The following UNC5D variants were observed in gnomAD, a reference collection of about 807,000 sequenced individuals.
UNC5D encodes the protein netrin receptor UNC5D.
Under a neutral mutation model 105.4 loss-of-function variants are expected in UNC5D, and 39 were observed. The observed-to-expected ratio is 0.37, with a 90% CI of 0.29 to 0.48. UNC5D has a LOEUF of 0.48. Among genes scored for constraint, UNC5D ranks in the 20% least tolerant of loss-of-function variants. The pLI is 0.98. For missense variants in UNC5D, 991 were observed against 1,202.4 expected (o/e 0.82, Z 2.60); for synonymous variants, 452 against 450.4 (o/e 1.00, Z -0.04).
At chr8:35,331,240 G>C (rs1437269385) in intron 1 of UNC5D, among the ~76,000 whole-genome samples, 1 of 152,178 alleles carries the variant, frequency 6.6e-6, no homozygotes, top group African/African-American at 2.4e-5. Flanking sequence ...CATTGGGCTT[G>C]CTTGAAGTCC....
chr8:35,284,563 T>G (rs1806447281), intron 1 of UNC5D, among the ~76,000 whole-genome samples: 1 of 152,158 alleles, frequency 6.6e-6, no homozygotes, highest in African/African-American at 2.4e-5. Flanking sequence ...TCTTTTCTTT[T>G]CTTTTCTTTT....
chr8:35,274,646 TC>T (rs1805649024), intron 1 of UNC5D, among the ~76,000 whole-genome samples: 1 of 152,182 alleles, frequency 6.6e-6, no homozygotes, highest in Non-Finnish European at 1.5e-5. Flanking sequence ...CAACATCAAT[TC>T]ATCATTTTAT....
At chr8:35,247,460 C>T (rs1585403894) in intron 1 of UNC5D, among the ~76,000 whole-genome samples, 1 of 138,914 alleles carries the variant, frequency 7.2e-6, no homozygotes, top group African/African-American at 2.7e-5. Context: ...CATCTGGATC[C>T]TTAATAATAA....
intron 1 of UNC5D, among the ~76,000 whole-genome samples, chr8:35,277,544 A>G (rs1300264313): frequency 6.6e-6 from 1 of 152,094 alleles, no homozygotes; most frequent in Non-Finnish European, 1.5e-5. Flanking sequence ...CTTACCCCTG[A>G]GTCTTGGGTG....
intron 2 of UNC5D, among the ~76,000 whole-genome samples, chr8:35,551,619 C>A (rs113293886): frequency 0.15 from 22,821 of 151,690 alleles, 2,139 homozygotes; most frequent in East Asian, 0.26. Flanking sequence ...GGGGTTTGAG[C>A]CCAGCCTGGC....
At chr8:35,651,205 A>G (rs1823383011) in intron 4 of UNC5D, among the ~76,000 whole-genome samples, 1 of 152,222 alleles carries the variant, frequency 6.6e-6, no homozygotes, top group Non-Finnish European at 1.5e-5. Flanking sequence ...CCTTGAAAGC[A>G]GTATATGTGA....
At chr8:35,489,607 C>T (rs1002530108) in intron 1 of UNC5D, among the ~76,000 whole-genome samples, 26 of 152,178 alleles carry the variant, frequency 1.7e-4, no homozygotes, top group Non-Finnish European at 3.5e-4. Context: ...CTTGGACTTT[C>T]AGCCTCCAGA....
intron 3 of UNC5D, 79 bp downstream of exon 3, chr8:35,568,320 G>C: frequency 6.6e-7 from 1 of 1,514,910 alleles, no homozygotes; most frequent in East Asian, 2.3e-5. Flanking sequence ...TTTTACAGAT[G>C]TCAGATGCTT....
intron 4 of UNC5D, among the ~76,000 whole-genome samples, chr8:35,611,855 A>G (rs1325267758): frequency 6.6e-6 from 1 of 152,220 alleles, no homozygotes; most frequent in African/African-American, 2.4e-5. Context: ...TATCTTTCAT[A>G]AAAGTTAGAA....
chr8:35,589,197 CTATTT>C (rs1818994345), intron 3 of UNC5D, among the ~76,000 whole-genome samples: 1 of 152,178 alleles, frequency 6.6e-6, no homozygotes, highest in South Asian at 2.1e-4. Context: ...GTACTCCACT[CTATTT>C]TATTTAGCAC....
chr8:35,326,565 G>A (rs1563315405), intron 1 of UNC5D, among the ~76,000 whole-genome samples: 2 of 152,192 alleles, frequency 1.3e-5, no homozygotes, highest in East Asian at 3.9e-4. Context: ...GACTAGCCTG[G>A]GCAGCATAGC....
At chr8:35,438,645 T>C (rs773716493) in intron 1 of UNC5D, among the ~76,000 whole-genome samples, 21 of 151,954 alleles carry the variant, frequency 1.4e-4, no homozygotes, top group Non-Finnish European at 1.2e-4. Context: ...CAAACTATCT[T>C]TAGTGGGAGA....
At chr8:35,759,100 C>A (rs1206962788) in intron 13 of UNC5D, among the ~76,000 whole-genome samples, 2 of 152,096 alleles carry the variant, frequency 1.3e-5, no homozygotes, top group Non-Finnish European at 2.9e-5. Context: ...TAATAAAAAA[C>A]AAATTGTCTC....
At chr8:35,399,860 T>C (rs1469497965) in intron 1 of UNC5D, among the ~76,000 whole-genome samples, 4 of 152,088 alleles carry the variant, frequency 2.6e-5, no homozygotes, top group Non-Finnish European at 4.4e-5. Flanking sequence ...TGTGGCCAAG[T>C]AATAATAGGC....
intron 3 of UNC5D, among the ~76,000 whole-genome samples, chr8:35,594,412 A>T (rs563963550): frequency 6.6e-6 from 1 of 152,326 alleles, no homozygotes; most frequent in Admixed American, 6.5e-5. Flanking sequence ...AACATATTTC[A>T]TGTTATTGTA....
chr8:35,430,705 A>T (rs1806571399), intron 1 of UNC5D, among the ~76,000 whole-genome samples: 2 of 151,470 alleles, frequency 1.3e-5, no homozygotes, highest in Non-Finnish European at 2.9e-5. Flanking sequence ...TGGGGGAAAA[A>T]CCTCCACATA....
chr8:35,560,245 C>T (rs1390871889), intron 2 of UNC5D, among the ~76,000 whole-genome samples: 1 of 152,156 alleles, frequency 6.6e-6, no homozygotes, highest in Non-Finnish European at 1.5e-5. Flanking sequence ...CTTCTGCTCC[C>T]CTGTAGCATT....
At chr8:35,465,017 G>T (rs1809195645) in intron 1 of UNC5D, among the ~76,000 whole-genome samples, 1 of 152,052 alleles carries the variant, frequency 6.6e-6, no homozygotes, top group Non-Finnish European at 1.5e-5. Flanking sequence ...TTTCTACTTG[G>T]TTTCCCACCT....
At chr8:35,477,414 A>G (rs1810182615) in intron 1 of UNC5D, among the ~76,000 whole-genome samples, 1 of 152,054 alleles carries the variant, frequency 6.6e-6, no homozygotes, top group Non-Finnish European at 1.5e-5. Context: ...TAGTTTTAAA[A>G]TCAGCATCAC....
Sources: allele counts gnomAD v4.1 joint callset (sites outside exome capture counted in the v4.1 genomes callset), GRCh38; gene constraint gnomAD v4.1.1; transcripts MANE v1.5; gene names NCBI Gene and HGNC (gene_info 2026-07-23, HGNC 2026-07-21).